The following MYO3A variants were observed in gnomAD, a reference collection of about 807,000 sequenced individuals.
MYO3A encodes myosin IIIA, also known as myosin-IIIa.
In MYO3A, 180 loss-of-function variants were observed where a neutral mutation model predicts 192.7. That is an observed-to-expected ratio of 0.93 (90% CI 0.83 to 1.06). The LOEUF (loss-of-function observed/expected upper bound fraction) is 1.06, where lower values mean the gene tolerates loss of function less well. MYO3A is among the 50% of genes least tolerant of loss of function. The probability of loss-of-function intolerance (pLI) is 0.00; values close to 1 mark genes in which losing one functional copy is unlikely to be tolerated. For missense variants in MYO3A, 1,896 were observed against 1,905.0 expected, an observed-to-expected ratio of 1.00 and a Z score of 0.09; for synonymous variants, 628 against 645.3, an observed-to-expected ratio of 0.97 and a Z score of 0.41.
At chr10:26,174,594 C>T in intron 30 of MYO3A, 37 bp downstream of exon 30, 1 of 1,529,746 alleles carries the variant, frequency 6.5e-7, no homozygotes, top group Non-Finnish European at 9.0e-7. Flanking sequence ...TAATAAAAGT[C>T]CCTGGGAACT....
rs767936868 is a variant in MYO3A, at chr10:26,145,481, T to G, written c.2452T>G (p.Trp818Gly). Residue 818 changes from tryptophan (W) to glycine (G), a missense_variant, in exon 22 of 35, where the codon TGG becomes GGG. Transcript: ENST00000642920. ...FEGNLKSQYF[W>G]RPKRMELSFG... ...AGGTAACCTGAAATCACAATACTTC[T>G]GGAGACCCAAAAGAATGGAACTTAG... 3.7e-6 allele frequency: 6 copies of G among 1,610,420 alleles called. No individual in the cohort carries two copies. Among genetic ancestry groups the G allele is most frequent in the Non-Finnish European group, 4.2e-6 (5 of 1,176,682 alleles).
intron 2 of MYO3A, among the ~76,000 whole-genome samples, chr10:25,946,651 G>A (rs1398537975): frequency 4.6e-5 from 7 of 151,408 alleles, no homozygotes; most frequent in South Asian, 2.1e-4. Flanking sequence ...AGGCCGAGGC[G>A]GGTGGATCAC....
intron 6 of MYO3A, among the ~76,000 whole-genome samples, chr10:26,010,447 G>GTT: frequency 1.5e-5 from 2 of 130,740 alleles, no homozygotes; most frequent in Non-Finnish European, 3.2e-5. Flanking sequence ...AGACTAAGTA[G>GTT]TTGTTTTTTT....
chr10:26,183,030 G>A (rs374821833), intron 31 of MYO3A, among the ~76,000 whole-genome samples: 176 of 152,288 alleles, frequency 1.2e-3, no homozygotes, highest in African/African-American at 4.1e-3. Flanking sequence ...TAATCCATGC[G>A]AGATGACAGC....
At chr10:25,936,845 A>G (rs981131373) in intron 2 of MYO3A, among the ~76,000 whole-genome samples, 4 of 152,144 alleles carry the variant, frequency 2.6e-5, no homozygotes, top group African/African-American at 7.2e-5. Context: ...GACATACTGC[A>G]TGTAAAACTT....
intron 14 of MYO3A, among the ~76,000 whole-genome samples, chr10:26,077,620 G>A (rs1419168048): frequency 2.0e-5 from 3 of 152,002 alleles, no homozygotes; most frequent in East Asian, 3.9e-4. Flanking sequence ...TCAGTATTAC[G>A]TTGGCTGTGG....
intron 15 of MYO3A, among the ~76,000 whole-genome samples, chr10:26,095,223 T>C (rs910626588): frequency 1.3e-5 from 2 of 152,014 alleles, no homozygotes; most frequent in Non-Finnish European, 2.9e-5. Context: ...TTTATACCAA[T>C]GGAAAGAGAA....
rs796068277 is a variant in MYO3A at position 25,968,248 on chromosome 10, C to T, written c.303+13240C>T. ...TTTGTCATCAAATGCAATGGAATGA[C>T]ATCTTTGAAGGACTGAAAGAAAAGT... On this transcript the variant is annotated intron_variant, in intron 4 of 34. Transcript: ENST00000642920. Among the ~76,000 whole-genome samples the T allele has an allele frequency of 2.6e-5, 4 of 152,152 alleles. No homozygotes were observed. The South Asian group carries it at 8.3e-4, about 32-fold the overall frequency.
chr10:26,210,234 T>TTA lies in MYO3A; in HGVS notation c.4731-1603_4731-1602dup, dbSNP rs1491505806. ...CTGAAATATCTAGCCTTGCCATGAC[T>TTA]TATATATTTGATATCTTCTTGAATA... On this transcript the variant is annotated intron_variant, in intron 34 of 34. Transcript: ENST00000642920. 2.0e-5 allele frequency among the ~76,000 whole-genome samples: 3 copies of TTA among 152,324 alleles called. No homozygotes were observed. In the East Asian group the frequency reaches 5.8e-4, roughly 29 times the overall value.
At chr10:26,161,822 G>A (rs893289414) in intron 26 of MYO3A, among the ~76,000 whole-genome samples, 6 of 151,854 alleles carry the variant, frequency 4.0e-5, no homozygotes, top group African/African-American at 9.7e-5. Context: ...ATGACCTATA[G>A]TGGCCTAGGG....
chr10:26,170,743 A>G lies in MYO3A; in HGVS notation c.3398+204A>G, dbSNP rs963470685. Among the ~76,000 whole-genome samples, 3 of 152,162 alleles carry G rather than the reference A, an allele frequency of 2.0e-5. No individual in the cohort carries two copies. In the East Asian group the frequency reaches 5.8e-4, roughly 29 times the overall value. ...TCAAATGTTTTCTTCCTTGGCTTCTACCAGATTGCTTTCTATAATTCTACT... is the reference window on the plus strand; with the variant it reads ...TCAAATGTTTTCTTCCTTGGCTTCTGCCAGATTGCTTTCTATAATTCTACT... On this transcript the variant is annotated intron_variant, in intron 29 of 34. Transcript: ENST00000642920.
chr10:26,015,904 A>T (rs1207428046), intron 6 of MYO3A, among the ~76,000 whole-genome samples: 2 of 152,052 alleles, frequency 1.3e-5, no homozygotes, highest in Non-Finnish European at 2.9e-5. Flanking sequence ...CCTTTCCTCT[A>T]CTTGGCTTTT....
At chr10:26,141,025 T>A (rs2131832528) in intron 20 of MYO3A, among the ~76,000 whole-genome samples, 1 of 152,252 alleles carries the variant, frequency 6.6e-6, no homozygotes, top group East Asian at 1.9e-4. Context: ...CCTCCCAGGT[T>A]CACGCCATTC....
intron 10 of MYO3A, among the ~76,000 whole-genome samples, chr10:26,063,409 C>G (rs1454664407): frequency 6.6e-6 from 1 of 152,020 alleles, no homozygotes; most frequent in Non-Finnish European, 1.5e-5. Flanking sequence ...CCTATGTTAT[C>G]TTCTGGAGTT....
intron 7 of MYO3A, among the ~76,000 whole-genome samples, chr10:26,020,623 C>G (rs1842252399): frequency 6.6e-6 from 1 of 152,088 alleles, no homozygotes; most frequent in Non-Finnish European, 1.5e-5. Flanking sequence ...TTGGCATGTA[C>G]AAAACATAAA....
intron 31 of MYO3A, among the ~76,000 whole-genome samples, chr10:26,183,852 C>G (rs1842735181): frequency 6.6e-6 from 1 of 152,088 alleles, no homozygotes; most frequent in African/African-American, 2.4e-5. Context: ...AAGCACGTAC[C>G]CTTAGCTTTT....
intron 20 of MYO3A, among the ~76,000 whole-genome samples, chr10:26,134,692 A>G (rs1397150532): frequency 6.6e-6 from 1 of 152,112 alleles, no homozygotes; most frequent in East Asian, 1.9e-4. Flanking sequence ...TTTTCACTGT[A>G]ATAAACATAA....
intron 10 of MYO3A, among the ~76,000 whole-genome samples, chr10:26,060,706 G>T (rs980321833): frequency 9.9e-5 from 15 of 152,238 alleles, no homozygotes; most frequent in African/African-American, 3.6e-4. Flanking sequence ...AGTCATGATT[G>T]ATTAGATATT....
At chr10:26,091,339 T>C (rs1370927597) in intron 15 of MYO3A, among the ~76,000 whole-genome samples, 1 of 152,238 alleles carries the variant, frequency 6.6e-6, no homozygotes, top group Non-Finnish European at 1.5e-5. Context: ...TACTATCTTA[T>C]AACTTGTGAC....
Sources: gnomAD v4.1 joint callset for allele counts (sites outside exome capture counted in the v4.1 genomes callset) on GRCh38, gnomAD v4.1.1 for gene constraint, MANE v1.5 for transcripts, NCBI Gene and HGNC (gene_info 2026-07-23, HGNC 2026-07-21) for gene names.